ST7: variants seen among roughly 807,000 people sequenced by gnomAD.
ST7 encodes the protein suppression of tumorigenicity 7.
ST7 carries 28 observed loss-of-function variants against 78.7 expected under a neutral mutation model. That is an observed-to-expected ratio of 0.36 (90% confidence interval 0.26 to 0.49). The LOEUF (loss-of-function observed/expected upper bound fraction) is 0.49, where lower values mean the gene tolerates loss of function less well. ST7 is among the 20% of genes least tolerant of loss of function. The probability of loss-of-function intolerance (pLI) is 0.99; values close to 1 mark genes in which losing one functional copy is unlikely to be tolerated. For synonymous variants in ST7, 247 were observed against 249.6 expected, an observed-to-expected ratio of 0.99 and a Z score of 0.10; for missense variants, 418 against 696.0, an observed-to-expected ratio of 0.60 and a Z score of 4.49.
At chr7:117,095,131 G>A (rs1274959304) in intron 1 of ST7, among the ~76,000 whole-genome samples, 6 of 152,168 alleles carry the variant, frequency 3.9e-5, no homozygotes, top group Non-Finnish European at 7.3e-5. Context: ...CAAACAGACT[G>A]GGTTATATGC....
At chr7:117,009,535 G>T (rs1156447151) in intron 1 of ST7, among the ~76,000 whole-genome samples, 4 of 152,154 alleles carry the variant, frequency 2.6e-5, no homozygotes, top group Non-Finnish European at 4.4e-5. Context: ...GACCATCACT[G>T]TCAGGATGTA....
chr7:117,204,058 G>C (rs188743814), intron 12 of ST7, among the ~76,000 whole-genome samples: 181 of 152,322 alleles, frequency 1.2e-3, no homozygotes, highest in Non-Finnish European at 2.0e-3. Flanking sequence ...TGACAATTCA[G>C]CTTTGCTTTA....
chr7:117,223,251 A>C (rs1225223053), intron 15 of ST7: 4 of 446,220 alleles, frequency 9.0e-6, no homozygotes, highest in African/African-American at 6.0e-5. Flanking sequence ...TTCTTGCCTG[A>C]ACTCCTGCCA....
At chr7:117,081,205 G>A (rs1799747012) in intron 1 of ST7, 1 of 151,990 alleles carries the variant, frequency 6.6e-6, no homozygotes, top group African/African-American at 2.4e-5. Context: ...ATAAAATTTG[G>A]ACTTTAACAT....
intron 12 of ST7, among the ~76,000 whole-genome samples, chr7:117,196,798 G>A (rs955446832): frequency 4.0e-5 from 6 of 151,886 alleles, no homozygotes; most frequent in Non-Finnish European, 8.8e-5. Flanking sequence ...TCAGTTTGAC[G>A]TAGTCCCACT....
intron 8 of ST7, 125 bp downstream of exon 8, chr7:117,136,360 T>C: frequency 5.0e-6 from 6 of 1,198,480 alleles, no homozygotes; most frequent in Non-Finnish European, 7.2e-6. Flanking sequence ...GCTTTTGCTT[T>C]GTTTTTATTA....
chr7:117,126,733 T>C (rs1219244599), intron 3 of ST7, among the ~76,000 whole-genome samples: 2 of 151,624 alleles, frequency 1.3e-5, no homozygotes, highest in African/African-American at 2.4e-5. Flanking sequence ...GAGGGAGGGC[T>C]GAAAAAAAAG....
At chr7:117,207,187 C>G (rs1369507466) in intron 12 of ST7, among the ~76,000 whole-genome samples, 2 of 151,360 alleles carry the variant, frequency 1.3e-5, no homozygotes, top group Non-Finnish European at 2.9e-5. Context: ...CTGTGTTGCC[C>G]AGGCTGGAGT....
intron 13 of ST7, among the ~76,000 whole-genome samples, chr7:117,214,152 G>A (rs923773031): frequency 2.0e-5 from 3 of 152,150 alleles, no homozygotes; most frequent in African/African-American, 4.8e-5. Context: ...GTCGCCTGCC[G>A]ACCACAACTG....
rs200893936 is a variant in ST7, at chr7:117,219,064, A to T, written c.1406-20A>T. ...GACACAAACATTGGACATCTCTGAC[A>T]TATTTTTTCTCGTTTTCAGCTTTTC... On this transcript the variant is annotated intron_variant, in intron 13 of 15. Transcript: ENST00000323984. This position sits in a 1 kb window ranked among gnomAD's most constrained non-coding sequence, Gnocchi z 5.1. 67 of 1,596,518 alleles carry T rather than the reference A, an allele frequency of 4.2e-5. No individual in the cohort carries two copies. The East Asian group carries it at 1.1e-3, about 25-fold the overall frequency.
In ST7 at chr7:117,014,954, A is replaced by G. The variant is rs549367927; in HGVS notation, c.151+61263A>G. 9.8e-6 allele frequency: 13 copies of G among 1,327,714 alleles called. 1 individual carries two copies. The highest frequency in any genetic ancestry group is 9.0e-5 in the African/African-American group (6 of 66,342). The allele number at this position is 1,327,714 out of a possible 1,614,324, so 82.2% of individuals were successfully genotyped here. A position where few individuals can be genotyped will look rare whatever the true frequency, so the allele number is the denominator to read the frequency against. On this transcript the variant is annotated intron_variant, in intron 1 of 15. Transcript: ENST00000323984. ...AGGGAGCCGTTTCATTTTCTGGCTG[A>G]TAGAGTTGTACTTGGAAAATACTCA...
At chr7:117,112,321 C>T (rs969650742) in intron 2 of ST7, 7 of 152,116 alleles carry the variant, frequency 4.6e-5, no homozygotes, top group Admixed American at 3.3e-4. Flanking sequence ...TATTGAGTTA[C>T]CACTCCATGC....
intron 1 of ST7, among the ~76,000 whole-genome samples, chr7:117,031,762 GTA>G (rs1201097295): frequency 7.1e-6 from 1 of 141,094 alleles, no homozygotes; most frequent in African/African-American, 2.6e-5. Context: ...GCATATATGT[GTA>G]TATATATGCA....
chr7:117,135,990 C>G, intron 7 of ST7, 91 bp from the exon 8 acceptor site: 2 of 1,430,726 alleles, frequency 1.4e-6, no homozygotes, highest in South Asian at 1.3e-5. Context: ...CATGTTTTGG[C>G]GTAACTCCTT....
chr7:117,201,826 C>T (rs988163231), intron 12 of ST7, among the ~76,000 whole-genome samples: 11 of 152,086 alleles, frequency 7.2e-5, no homozygotes, highest in African/African-American at 1.9e-4. Context: ...GAGGCCATCT[C>T]GACTCCATGA....
At chr7:117,208,585 G>A (rs1398963883) in intron 12 of ST7, among the ~76,000 whole-genome samples, 2 of 152,112 alleles carry the variant, frequency 1.3e-5, no homozygotes, top group Non-Finnish European at 2.9e-5. Context: ...AATGGGAGAG[G>A]AAGCTTAAGG....
chr7:117,007,732 T>A (rs983859063), intron 1 of ST7, among the ~76,000 whole-genome samples: 6 of 152,164 alleles, frequency 3.9e-5, no homozygotes, highest in Admixed American at 3.3e-4. Flanking sequence ...GAGCTCATGC[T>A]CACATTGCCA....
chr7:117,178,519 A>G (rs1018630037), intron 10 of ST7, among the ~76,000 whole-genome samples: 8 of 152,176 alleles, frequency 5.3e-5, no homozygotes, highest in African/African-American at 1.7e-4. Context: ...GAATTGATAC[A>G]TAAGATCCCA....
chr7:117,054,716 T>A (rs1797974352), intron 1 of ST7, among the ~76,000 whole-genome samples: 1 of 152,242 alleles, frequency 6.6e-6, no homozygotes, highest in Non-Finnish European at 1.5e-5. Context: ...AAGTTCTACG[T>A]GAGCATTTCC....
Sources: allele counts gnomAD v4.1 joint callset (sites outside exome capture counted in the v4.1 genomes callset), GRCh38; gene constraint gnomAD v4.1.1; non-coding constraint Gnocchi (gnomAD v3.1); transcripts MANE v1.5; gene names NCBI Gene and HGNC (gene_info 2026-07-23, HGNC 2026-07-21).